The following OXNAD1 variants were observed in gnomAD, a reference collection of about 807,000 sequenced individuals.
OXNAD1 encodes oxidoreductase NAD-binding domain-containing protein 1.
OXNAD1 carries 34 observed loss-of-function variants against 32.9 expected under a neutral mutation model. The observed-to-expected ratio is 1.03, with a 90% CI of 0.79 to 1.38. The LOEUF is 1.38. OXNAD1 is among the 40% of genes most tolerant of loss of function. The pLI is 0.00. For synonymous variants in OXNAD1, 134 were observed against 135.2 expected (o/e 0.99, Z 0.06); for missense variants, 407 against 379.4 (o/e 1.07, Z -0.60).
intron 1 of OXNAD1, among the ~76,000 whole-genome samples, chr3:16,268,111 G>A (rs912663861): frequency 6.6e-6 from 1 of 152,090 alleles, no homozygotes; most frequent in Non-Finnish European, 1.5e-5. Flanking sequence ...TTGATTAAAT[G>A]CTTACAGTAT....
At chr3:16,295,457 C>T (rs1305805395) in intron 6 of OXNAD1, among the ~76,000 whole-genome samples, 1 of 152,164 alleles carries the variant, frequency 6.6e-6, no homozygotes, top group East Asian at 1.9e-4. Flanking sequence ...CTCTCTATTT[C>T]AGTGTCTGGA....
chr3:16,286,284 T>G (rs1045551019), intron 4 of OXNAD1, 58 bp from the exon 5 acceptor site: 3 of 1,333,434 alleles, frequency 2.2e-6, no homozygotes, highest in Non-Finnish European at 3.2e-6. Flanking sequence ...GATGCCACCA[T>G]TTGTCCCTTG....
At chr3:16,339,075 C>T (rs909675467), downstream of OXNAD1, among the ~76,000 whole-genome samples, 9 of 152,214 alleles carry the variant, frequency 5.9e-5, no homozygotes, top group Admixed American at 5.9e-4. Context: ...AGCCACACAA[C>T]ACACCATGTG....
Position 16,334,949 on chromosome 3 carries a change from G to A in OXNAD1, c.*31-2163G>A, listed in dbSNP as rs2070703629. ...GCAGCAGAGGCTGGAGTGATGCAGG[G>A]AAGGGGCCACGAGCCAAGGAACATG... On this transcript the variant is annotated intron_variant, in intron 9 of 9. Coordinates refer to the OXNAD1 transcript ENST00000435829. The surrounding 1 kb of genome is among the most constrained non-coding windows in gnomAD (Gnocchi z 4.3). Among the ~76,000 whole-genome samples the A allele has an allele frequency of 6.6e-6, 1 of 152,212 alleles. No homozygotes were observed. The highest frequency in any genetic ancestry group is 2.4e-5 in the African/African-American group (1 of 41,458).
chr3:16,310,991 C>CAA (rs1003070321), downstream of OXNAD1, among the ~76,000 whole-genome samples: 8,467 of 56,910 alleles, frequency 0.15, 529 homozygotes, highest in Non-Finnish European at 0.19. Flanking sequence ...ACTCAGTCTC[C>CAA]AAAAAAAAAA....
chr3:16,329,343 G>A lies in OXNAD1; in HGVS notation c.*31-7769G>A, dbSNP rs1024880182. On this transcript the variant is annotated intron_variant, in intron 9 of 9. Coordinates refer to the OXNAD1 transcript ENST00000435829. The surrounding 1 kb of genome is among the most constrained non-coding windows in gnomAD (Gnocchi z 4.5). ...TGGACCGAGACAGGGCGGAAGTGGA[G>A]AAAGGGAAAGGGAAAGAGGAAACTT... Among the ~76,000 whole-genome samples the A allele has an allele frequency of 3.8e-5, 4 of 105,580 alleles. No individual in the cohort carries two copies. Among genetic ancestry groups the A allele is most frequent in the African/African-American group, 1.0e-4 (3 of 29,810 alleles). 69.3% of individuals were successfully genotyped at this position (105,580 alleles called of 152,430 possible). A position where few individuals can be genotyped will look rare whatever the true frequency, so the allele number is the denominator to read the frequency against.
chr3:16,298,016 T>C lies in OXNAD1; in HGVS notation c.432+3019T>C, dbSNP rs1441818503. On this transcript the variant is annotated intron_variant, in intron 6 of 8. Coordinates refer to ENST00000285083, the MANE Select transcript of OXNAD1 (RefSeq NM_138381.5). The surrounding 1 kb of genome is among the most constrained non-coding windows in gnomAD (Gnocchi z 5.1). ...TTTTTAAAAATGTGCAGGAGCAACA[T>C]AATATATTCTTGTGGTTTACACGTC... 1.3e-5 allele frequency among the ~76,000 whole-genome samples: 2 copies of C among 152,204 alleles called. No homozygotes were observed. Among genetic ancestry groups the C allele is most frequent in the African/African-American group, 4.8e-5 (2 of 41,450 alleles).
rs1224592020 is a variant in OXNAD1, at chr3:16,299,887, C to T, written c.433-1739C>T. Among the ~76,000 whole-genome samples the T allele has an allele frequency of 1.3e-5, 2 of 152,198 alleles. No individual in the cohort carries two copies. The highest frequency in any genetic ancestry group is 4.8e-5 in the African/African-American group (2 of 41,446). On this transcript the variant is annotated intron_variant, in intron 6 of 8. Coordinates refer to ENST00000285083, the MANE Select transcript of OXNAD1 (RefSeq NM_138381.5). This position sits in a 1 kb window ranked among gnomAD's most constrained non-coding sequence, Gnocchi z 4.4. ...GCCAGCACTTTTTCTTTTGTGACAGCTGCAATGACCAAAATTCCTTCTTAT... is the reference window on the plus strand; with the variant it reads ...GCCAGCACTTTTTCTTTTGTGACAGTTGCAATGACCAAAATTCCTTCTTAT...
chr3:16,319,714 G>A lies in OXNAD1; in HGVS notation c.*30+16122G>A, dbSNP rs148099157. Among the ~76,000 whole-genome samples, 14 of 152,286 alleles carry A rather than the reference G, an allele frequency of 9.2e-5. No individual in the cohort carries two copies. In the East Asian group the frequency reaches 2.5e-3, roughly 27 times the overall value. On this transcript the variant is annotated intron_variant, in intron 9 of 9. Coordinates refer to the OXNAD1 transcript ENST00000435829. Reference sequence around the variant, plus strand: ...TTGATCTGCTGATATAATACAAAACGAGAACACAAATGGTAGAAAACAAAC... The same window carrying A: ...TTGATCTGCTGATATAATACAAAACAAGAACACAAATGGTAGAAAACAAAC...
chr3:16,319,974 G>T (rs1375741633), intron 9 of OXNAD1, among the ~76,000 whole-genome samples: 1 of 152,220 alleles, frequency 6.6e-6, no homozygotes. Context: ...TGAGTTGGGG[G>T]CCTTCCCAAG....
chr3:16,269,087 T>C, intron 1 of OXNAD1, 39 bp from the exon 2 acceptor site: 1 of 1,410,748 alleles, frequency 7.1e-7, no homozygotes, highest in Non-Finnish European at 9.2e-7. Context: ...TTTGATCAGT[T>C]CCCCAAAACA....
In OXNAD1 at chr3:16,329,969, G is replaced by C. The variant is rs774102402; in HGVS notation, c.*31-7143G>C. ...GCAGCCCGACCCGCCTGCTTAGACAGACTGCAAACCGGCTGCTTCTATTTT... is the reference window on the plus strand; with the variant it reads ...GCAGCCCGACCCGCCTGCTTAGACACACTGCAAACCGGCTGCTTCTATTTT... On this transcript the variant is annotated intron_variant, in intron 9 of 9. Coordinates refer to the OXNAD1 transcript ENST00000435829. This position sits in a 1 kb window ranked among gnomAD's most constrained non-coding sequence, Gnocchi z 4.5. Among the ~76,000 whole-genome samples the C allele has an allele frequency of 2.0e-5, 3 of 152,158 alleles. No individual in the cohort carries two copies. Among genetic ancestry groups the C allele is most frequent in the Non-Finnish European group, 2.9e-5 (2 of 68,028 alleles).
At chr3:16,330,728 A>G (rs1414102653) in intron 9 of OXNAD1, among the ~76,000 whole-genome samples, 1 of 152,182 alleles carries the variant, frequency 6.6e-6, no homozygotes, top group African/African-American at 2.4e-5. Context: ...TTTGTTCCCT[A>G]TAATTTCTCC....
In OXNAD1 at chr3:16,305,379, G is replaced by A. The variant is rs1303820842; in HGVS notation, c.*1817G>A. 6.6e-6 allele frequency: 1 copy of A among 152,274 alleles called. No individual in the cohort carries two copies. The highest frequency in any genetic ancestry group is 1.5e-5 in the Non-Finnish European group (1 of 68,102). The allele number at this position is 152,274 out of a possible 1,614,324, so 9.4% of individuals were successfully genotyped here. A position where few individuals can be genotyped will look rare whatever the true frequency, so the allele number is the denominator to read the frequency against. Reference sequence around the variant, plus strand: ...TGCCTGCTACTGTCAGAGAGCAAGGGTCATCTGTCCTGCCCAGCTATGCCT... The same window carrying A: ...TGCCTGCTACTGTCAGAGAGCAAGGATCATCTGTCCTGCCCAGCTATGCCT... On this transcript the variant is annotated 3_prime_UTR_variant, in exon 9 of 9. Coordinates refer to ENST00000285083, the MANE Select transcript of OXNAD1 (RefSeq NM_138381.5). This position sits in a 1 kb window ranked among gnomAD's most constrained non-coding sequence, Gnocchi z 4.5.
Position 16,277,791 on chromosome 3 carries a change from G to A in OXNAD1, c.183+6069G>A, listed in dbSNP as rs2065455993. The stretch of plus-strand genomic sequence containing the variant: ...ATGTTTATGCTTCTTACTTGGGACT[G>A]TAACTGTAAGTAGTCTGAGATTGTG... On this transcript the variant is annotated intron_variant, in intron 4 of 8. Coordinates refer to ENST00000285083, the MANE Select transcript of OXNAD1 (RefSeq NM_138381.5). This position sits in a 1 kb window ranked among gnomAD's most constrained non-coding sequence, Gnocchi z 4.3. 6.6e-6 allele frequency among the ~76,000 whole-genome samples: 1 copy of A among 152,218 alleles called. No individual in the cohort carries two copies. Among genetic ancestry groups the A allele is most frequent in the South Asian group, 2.1e-4 (1 of 4,834 alleles).
At position 16,265,958 on chromosome 3, in the gene OXNAD1, G is replaced by A. The variant is rs2064465116; in HGVS notation, c.-159+453G>A. The A allele has an allele frequency of 2.1e-6, 2 of 950,474 alleles. No individual in the cohort carries two copies. The highest frequency in any genetic ancestry group is 1.8e-5 in the African/African-American group (1 of 56,406). 58.9% of individuals were successfully genotyped at this position (950,474 alleles called of 1,614,324 possible). A position where few individuals can be genotyped will look rare whatever the true frequency, so the allele number is the denominator to read the frequency against. On this transcript the variant is annotated intron_variant, in intron 1 of 8. Transcript: ENST00000285083. This position sits in a 1 kb window ranked among gnomAD's most constrained non-coding sequence, Gnocchi z 4.8. ...CCTTGAAGCGAAATGCAGATAAAAG[G>A]CATTTTTGTCTTGAAAGCAGTGCTA...
downstream of OXNAD1, among the ~76,000 whole-genome samples, chr3:16,309,797 T>C (rs185128025): frequency 1.3e-4 from 20 of 152,366 alleles, no homozygotes; most frequent in East Asian, 3.9e-3. Flanking sequence ...TTTCCTTATC[T>C]GTCGCTGTGG....
At chr3:16,283,329 A>G (rs1444763770) in intron 4 of OXNAD1, among the ~76,000 whole-genome samples, 1 of 152,172 alleles carries the variant, frequency 6.6e-6, no homozygotes, top group African/African-American at 2.4e-5. Flanking sequence ...AAGTGCGTTT[A>G]CCACTGGAGC....
At position 16,303,049 on chromosome 3, in the gene OXNAD1, C is replaced by T. The variant is rs2067301432; in HGVS notation, c.784+301C>T. 6.6e-6 allele frequency among the ~76,000 whole-genome samples: 1 copy of T among 152,174 alleles called. No individual in the cohort carries two copies. The highest frequency in any genetic ancestry group is 6.6e-5 in the Admixed American group (1 of 15,264). On this transcript the variant is annotated intron_variant, in intron 8 of 8. Coordinates refer to ENST00000285083, the MANE Select transcript of OXNAD1 (RefSeq NM_138381.5). This position sits in a 1 kb window ranked among gnomAD's most constrained non-coding sequence, Gnocchi z 4.8. The stretch of plus-strand genomic sequence containing the variant: ...ATTTGGCTGAATTGATTCCATTTGC[C>T]ATTAATGGTCATTTAAACAACTCAT...
Sources: gnomAD v4.1 joint callset for allele counts (sites outside exome capture counted in the v4.1 genomes callset) on GRCh38, gnomAD v4.1.1 for gene constraint, Gnocchi (gnomAD v3.1) non-coding constraint, MANE v1.5 for transcripts, NCBI Gene and HGNC (gene_info 2026-07-23, HGNC 2026-07-21) for gene names.